PTPN9: variants seen among roughly 807,000 people sequenced by gnomAD.
PTPN9 encodes the protein tyrosine-protein phosphatase non-receptor type 9.
In PTPN9, 26 loss-of-function variants were observed where a neutral mutation model predicts 69.8. That is an observed-to-expected ratio of 0.37 (90% CI 0.27 to 0.52). The LOEUF is 0.52. Ranked by LOEUF, PTPN9 falls within the 20% of genes least tolerant of loss-of-function variation. The probability of loss-of-function intolerance (pLI) is 0.91; values close to 1 mark genes in which losing one functional copy is unlikely to be tolerated. For missense variants in PTPN9, 549 were observed against 740.3 expected, an observed-to-expected ratio of 0.74 and a Z score of 3.00; for synonymous variants, 274 against 272.5, an observed-to-expected ratio of 1.01 and a Z score of -0.05.
At chr15:75,518,911 G>T (rs968929049) in intron 4 of PTPN9, among the ~76,000 whole-genome samples, 3 of 151,656 alleles carry the variant, frequency 2.0e-5, no homozygotes, top group African/African-American at 7.3e-5. Context: ...CAATTTCCCA[G>T]ATTTATAAAG....
chr15:75,483,619 T>C (rs1445480431), intron 8 of PTPN9, among the ~76,000 whole-genome samples: 2 of 152,178 alleles, frequency 1.3e-5, no homozygotes, highest in African/African-American at 4.8e-5. Context: ...CTAAAGTTGT[T>C]TGTGGTGATG....
rs1175769708 is a variant in PTPN9 at position 75,463,453 on chromosome 15, G to C, written c.*5316C>G. 1.3e-5 allele frequency: 2 copies of C among 152,216 alleles called. No homozygotes were observed. The highest frequency in any genetic ancestry group is 4.8e-5 in the African/African-American group (2 of 41,444). 9.4% of individuals were successfully genotyped at this position (152,216 alleles called of 1,614,324 possible). A position where few individuals can be genotyped will look rare whatever the true frequency, so the allele number is the denominator to read the frequency against. ...GTGCGGGGAGGGGAGACGGACGTGA[G>C]CCTGGAGTCTGAGAGGGGCACTGTA... On this transcript the variant is annotated 3_prime_UTR_variant, in exon 13 of 13. Coordinates refer to ENST00000618819, the MANE Select transcript of PTPN9 (RefSeq NM_002833.4).
chr15:75,574,361 G>A (rs2075162214), intron 1 of PTPN9, among the ~76,000 whole-genome samples: 1 of 152,004 alleles, frequency 6.6e-6, no homozygotes, highest in Non-Finnish European at 1.5e-5. Flanking sequence ...CAGGCAGGCT[G>A]AGGGGAAGAT....
chr15:75,482,588 A>G (rs1225377076), intron 8 of PTPN9, among the ~76,000 whole-genome samples: 3 of 148,462 alleles, frequency 2.0e-5, no homozygotes, highest in Admixed American at 6.7e-5. Flanking sequence ...AAAAAAAAAA[A>G]AAAGAGTCAT....
chr15:75,472,779 C>CAAA (rs71440239), intron 10 of PTPN9, among the ~76,000 whole-genome samples: 44,161 of 135,688 alleles, frequency 0.33, 8,239 homozygotes, highest in Middle Eastern at 0.5. Context: ...ACACCATCTC[C>CAAA]AAAAAAAAAA....
In PTPN9 at chr15:75,468,788, A is replaced by G. The variant is rs1356314926; in HGVS notation, c.1763T>C (p.Leu588Pro). ...EGMVSSGQNL[L>P]AVESQ ...GGAGAGTTACTGACTCTCCACGGCC[A>G]GCAGGTTTTGGCCAGAGGATACCAT... The change falls in exon 13 of 13, where the codon CTG (leucine) becomes CCG (proline). Residue 588 changes from leucine (L) to proline (P), a missense_variant. Around this residue, in one of 3 missense-constraint regions of PTPN9, gnomAD observed 30 missense variants for 24.8 expected, o/e 1.21. Coordinates refer to ENST00000618819, the MANE Select transcript of PTPN9 (RefSeq NM_002833.4). 2 of 1,613,914 alleles carry G rather than the reference A, an allele frequency of 1.2e-6. No individual in the cohort carries two copies. Among genetic ancestry groups the G allele is most frequent in the African/African-American group, 1.3e-5 (1 of 74,934 alleles).
At chr15:75,560,934 G>T (rs1365801167) in intron 1 of PTPN9, among the ~76,000 whole-genome samples, 2 of 151,816 alleles carry the variant, frequency 1.3e-5, no homozygotes. Flanking sequence ...CAGGAGAATC[G>T]CTTGAACTCA....
chr15:75,485,510 A>G (rs1232974716), intron 8 of PTPN9, among the ~76,000 whole-genome samples: 2 of 150,846 alleles, frequency 1.3e-5, no homozygotes, highest in Non-Finnish European at 3.0e-5. Flanking sequence ...CTGGGACTAC[A>G]GGCGCCCGCC....
At chr15:75,509,672 A>G (rs2074836554) in intron 5 of PTPN9, among the ~76,000 whole-genome samples, 1 of 152,166 alleles carries the variant, frequency 6.6e-6, no homozygotes, top group African/African-American at 2.4e-5. Flanking sequence ...GGGCAACAAG[A>G]GTGAAACTCT....
intron 1 of PTPN9, among the ~76,000 whole-genome samples, chr15:75,578,079 G>T (rs1034610822): frequency 6.6e-6 from 1 of 152,174 alleles, no homozygotes; most frequent in Admixed American, 6.5e-5. Context: ...CAGATGAGAC[G>T]AGGGTAGGGA....
intron 1 of PTPN9, among the ~76,000 whole-genome samples, chr15:75,561,928 G>A (rs529754016): frequency 4.5e-4 from 68 of 152,136 alleles, no homozygotes; most frequent in African/African-American, 1.5e-3. Context: ...GGCTGGTCTC[G>A]AACTCCCAAC....
At chr15:75,516,051 G>C (rs1465578766) in intron 5 of PTPN9, among the ~76,000 whole-genome samples, 2 of 151,964 alleles carry the variant, frequency 1.3e-5, no homozygotes, top group African/African-American at 4.8e-5. Flanking sequence ...CCTTAGTGAG[G>C]CAACAATGAA....
chr15:75,523,754 G>C (rs1437577812), intron 3 of PTPN9, among the ~76,000 whole-genome samples: 1 of 152,114 alleles, frequency 6.6e-6, no homozygotes, highest in Non-Finnish European at 1.5e-5. Context: ...ACCAACTGAA[G>C]AAACTTTTCT....
chr15:75,575,812 G>A (rs532223182), intron 1 of PTPN9, among the ~76,000 whole-genome samples: 5 of 151,438 alleles, frequency 3.3e-5, no homozygotes, highest in Admixed American at 6.6e-5. Context: ...CCAGCTACTC[G>A]GGAGGCTGAG....
chr15:75,534,697 G>A (rs1316346984), intron 1 of PTPN9, among the ~76,000 whole-genome samples: 4 of 149,658 alleles, frequency 2.7e-5, no homozygotes, highest in Non-Finnish European at 5.9e-5. Flanking sequence ...AAAAGGCCAG[G>A]TGCAATGGTT....
chr15:75,544,360 C>T (rs1348983265), intron 1 of PTPN9, among the ~76,000 whole-genome samples: 2 of 152,068 alleles, frequency 1.3e-5, no homozygotes, highest in Non-Finnish European at 2.9e-5. Context: ...CAGGGTTATC[C>T]AATCTCCACA....
intron 1 of PTPN9, among the ~76,000 whole-genome samples, chr15:75,554,344 A>G (rs1192582194): frequency 6.6e-6 from 1 of 151,676 alleles, no homozygotes; most frequent in Non-Finnish European, 1.5e-5. Context: ...ACAGGCATGC[A>G]CCACCACGCC....
chr15:75,569,275 G>C (rs2075138801), intron 1 of PTPN9, among the ~76,000 whole-genome samples: 2 of 152,098 alleles, frequency 1.3e-5, no homozygotes, highest in Non-Finnish European at 2.9e-5. Flanking sequence ...GCCGTAAAAT[G>C]GGGCTTAATA....
chr15:75,504,360 C>T (rs1306923121), intron 7 of PTPN9, among the ~76,000 whole-genome samples: 7 of 122,194 alleles, frequency 5.7e-5, no homozygotes, highest in Admixed American at 7.7e-5. Flanking sequence ...GCCGGGCCAG[C>T]CACCCCGTCC....
Sources: gnomAD v4.1 joint callset for allele counts (sites outside exome capture counted in the v4.1 genomes callset) on GRCh38, gnomAD v4.1.1 for gene constraint, gnomAD v4.1.1 regional missense constraint, MANE v1.5 for transcripts, NCBI Gene and HGNC (gene_info 2026-07-23, HGNC 2026-07-21) for gene names.